TENM4: variants seen among roughly 807,000 people sequenced by gnomAD.
The protein encoded by TENM4 is teneurin-4.
A neutral mutation model predicts 243.3 loss-of-function variants in TENM4; 82 were observed. The observed-to-expected ratio is 0.34, with a 90% CI of 0.28 to 0.40. TENM4 has a LOEUF of 0.40. TENM4 is among the 10% of genes least tolerant of loss of function. TENM4 has a pLI of 1.00. For synonymous variants in TENM4, 1,412 were observed against 1,456.3 expected (o/e 0.97, Z 0.69); for missense variants, 3,138 against 3,673.3 (o/e 0.85, Z 3.77).
chr11:79,173,101 G>T (rs1330925879), intron 3 of TENM4, among the ~76,000 whole-genome samples: 1 of 152,052 alleles, frequency 6.6e-6, no homozygotes, highest in East Asian at 1.9e-4. Context: ...ACTTATTTTG[G>T]CCCTAACTTT....
chr11:78,828,348 T>A (rs1269354347), intron 12 of TENM4, among the ~76,000 whole-genome samples: 1 of 152,220 alleles, frequency 6.6e-6, no homozygotes, highest in East Asian at 1.9e-4. Context: ...CATGTAGTAA[T>A]ATCACTTTGC....
At chr11:78,925,319 G>A (rs1324543961) in intron 6 of TENM4, among the ~76,000 whole-genome samples, 1 of 151,264 alleles carries the variant, frequency 6.6e-6, no homozygotes, top group East Asian at 1.9e-4. Context: ...AAAAAAAAAA[G>A]TGTGTATGTA....
At chr11:79,301,883 C>T (rs1431938019) in intron 1 of TENM4, among the ~76,000 whole-genome samples, 6 of 152,168 alleles carry the variant, frequency 3.9e-5, no homozygotes. Flanking sequence ...CTGAGGTCTC[C>T]CCAGAAGCCC....
chr11:78,860,309 C>G (rs1029973913), intron 10 of TENM4, among the ~76,000 whole-genome samples: 1 of 152,120 alleles, frequency 6.6e-6, no homozygotes, highest in African/African-American at 2.4e-5. Context: ...ATATAGTTAT[C>G]CTTGTTCTAC....
intron 28 of TENM4, among the ~76,000 whole-genome samples, chr11:78,690,841 CTGACT>C (rs1858801311): frequency 2.0e-5 from 3 of 152,180 alleles, no homozygotes; most frequent in Non-Finnish European, 4.4e-5. Flanking sequence ...CTGTTCTAGG[CTGACT>C]CTTTGAACAC....
chr11:78,864,164 G>C (rs1187973240), intron 9 of TENM4, among the ~76,000 whole-genome samples: 2 of 152,142 alleles, frequency 1.3e-5, no homozygotes, highest in East Asian at 3.8e-4. Context: ...GTGAAGGATA[G>C]AGATACTATG....
intron 3 of TENM4, among the ~76,000 whole-genome samples, chr11:79,207,536 C>T (rs986546102): frequency 2.6e-5 from 4 of 152,140 alleles, no homozygotes; most frequent in Admixed American, 6.5e-5. Flanking sequence ...AGAGCCTGAG[C>T]TCCCTGCCAT....
chr11:79,168,243 G>A (rs1862959662), intron 3 of TENM4, among the ~76,000 whole-genome samples: 1 of 152,174 alleles, frequency 6.6e-6, no homozygotes, highest in African/African-American at 2.4e-5. Flanking sequence ...CTTCAGTGGG[G>A]TGCTGGGGTA....
chr11:79,019,265 G>GA (rs1218187872), intron 6 of TENM4, among the ~76,000 whole-genome samples: 2 of 152,210 alleles, frequency 1.3e-5, no homozygotes, highest in Non-Finnish European at 2.9e-5. Context: ...CAGCAAGGCA[G>GA]AAGAAAAGAT....
At chr11:78,778,120 TG>T (rs1856772341) in intron 17 of TENM4, among the ~76,000 whole-genome samples, 1 of 152,144 alleles carries the variant, frequency 6.6e-6, no homozygotes, top group Admixed American at 6.5e-5. Flanking sequence ...ACACAGTGGG[TG>T]CTCCATAGAT....
At chr11:79,240,488 T>C (rs1198870007) in intron 2 of TENM4, among the ~76,000 whole-genome samples, 4 of 152,188 alleles carry the variant, frequency 2.6e-5, no homozygotes, top group African/African-American at 9.6e-5. Context: ...TTGTGACTAC[T>C]TCCTTGGCTG....
intron 4 of TENM4, among the ~76,000 whole-genome samples, chr11:79,087,124 G>A (rs1860828182): frequency 6.6e-6 from 1 of 152,124 alleles, no homozygotes; most frequent in African/African-American, 2.4e-5. Flanking sequence ...TTGAACAAAT[G>A]AACAAATGTT....
At chr11:78,724,885 G>A (rs1855479049) in intron 23 of TENM4, among the ~76,000 whole-genome samples, 1 of 152,224 alleles carries the variant, frequency 6.6e-6, no homozygotes, top group South Asian at 2.1e-4. Flanking sequence ...GACCTGAAGT[G>A]GTCCCCTTGG....
intron 6 of TENM4, among the ~76,000 whole-genome samples, chr11:79,056,537 C>A (rs1383387133): frequency 6.6e-6 from 1 of 151,944 alleles, no homozygotes; most frequent in Non-Finnish European, 1.5e-5. Flanking sequence ...TCGTGCTATG[C>A]GGAGGAGGCC....
chr11:79,367,473 T>G (rs1426990873), intron 1 of TENM4, among the ~76,000 whole-genome samples: 1 of 152,222 alleles, frequency 6.6e-6, no homozygotes, highest in African/African-American at 2.4e-5. Context: ...AAATTCCTAT[T>G]CCTTCTGCCA....
chr11:78,724,575 T>C (rs990192908), intron 23 of TENM4, among the ~76,000 whole-genome samples: 49 of 152,218 alleles, frequency 3.2e-4, no homozygotes, highest in Non-Finnish European at 1.5e-4. Flanking sequence ...TATATGATGC[T>C]ATCTCTGTCA....
chr11:79,063,741 G>A (rs1254910041), intron 6 of TENM4, among the ~76,000 whole-genome samples: 5 of 152,158 alleles, frequency 3.3e-5, no homozygotes, highest in African/African-American at 9.7e-5. Flanking sequence ...AGAGGAAGAC[G>A]CTGAAACTGG....
intron 31 of TENM4, among the ~76,000 whole-genome samples, chr11:78,670,817 G>A (rs186733785): frequency 2.6e-5 from 4 of 152,272 alleles, no homozygotes; most frequent in East Asian, 1.9e-4. Context: ...CCTACCTGGG[G>A]CCTAGGCCTC....
At chr11:78,786,285 C>T (rs1254397447) in intron 16 of TENM4, among the ~76,000 whole-genome samples, 1 of 152,208 alleles carries the variant, frequency 6.6e-6, no homozygotes, top group East Asian at 1.9e-4. Flanking sequence ...GATCCCAGGC[C>T]TAATGGACTC....
Sources: allele counts gnomAD v4.1 joint callset (sites outside exome capture counted in the v4.1 genomes callset), GRCh38; gene constraint gnomAD v4.1.1; transcripts MANE v1.5; gene names NCBI Gene and HGNC (gene_info 2026-07-23, HGNC 2026-07-21).